The following CHMP7 variants were observed in gnomAD, a reference collection of about 807,000 sequenced individuals.
The protein encoded by CHMP7 is CHMP family, member 7.
CHMP7 carries 15 observed loss-of-function variants against 53.7 expected under a neutral mutation model. The ratio of observed to expected loss-of-function variants is 0.28; its 90% CI spans 0.19 to 0.43. The LOEUF (loss-of-function observed/expected upper bound fraction) is 0.43, where lower values mean the gene tolerates loss of function less well. Among genes scored for constraint, CHMP7 ranks in the 20% least tolerant of loss-of-function variants. The probability of loss-of-function intolerance (pLI) is 1.00; values close to 1 mark genes in which losing one functional copy is unlikely to be tolerated. For synonymous variants in CHMP7, 261 were observed against 228.0 expected, an observed-to-expected ratio of 1.14 and a Z score of -1.30; for missense variants, 527 against 569.4, an observed-to-expected ratio of 0.93 and a Z score of 0.76.
intron 8 of CHMP7, 41 bp from the exon 9 acceptor site, chr8:23,259,025 C>T: frequency 7.3e-7 from 1 of 1,368,734 alleles, no homozygotes; most frequent in Non-Finnish European, 1.0e-6. Flanking sequence ...ATGCTCAGAG[C>T]CACCATGCCC....
chr8:23,252,193 A>ACC (rs1563405572), intron 3 of CHMP7, among the ~76,000 whole-genome samples: 1 of 48,422 alleles, frequency 2.1e-5, no homozygotes, highest in African/African-American at 4.1e-5. Flanking sequence ...GTATTGTGTT[A>ACC]TCTTTTTTTT....
Position 23,255,285 on chromosome 8 carries a change from G to T in CHMP7, c.510G>T (p.Ser170=), listed in dbSNP as rs987320101. ...AGGTGTATCGTCTGTATCAGAACTC[G>T]CCCCTCTCCTCCCACCCCGTGGTGG... is the stretch of plus-strand genomic sequence containing the variant. The part of the protein sequence containing the change: ...AEEVYRLYQN[S]PLSSHPVVAL... Residue 170 remains serine, a synonymous_variant, in exon 4 of 11, where the codon TCG becomes TCT. Coordinates refer to ENST00000397677, the MANE Select transcript of CHMP7 (RefSeq NM_152272.5). 30 of 1,613,978 alleles carry T rather than the reference G, an allele frequency of 1.9e-5. No homozygotes were observed. The highest frequency in any genetic ancestry group is 2.7e-5 in the African/African-American group (2 of 74,924).
intron 3 of CHMP7, among the ~76,000 whole-genome samples, chr8:23,249,705 T>C (rs960511964): frequency 3.9e-5 from 6 of 152,216 alleles, no homozygotes; most frequent in Non-Finnish European, 5.9e-5. Flanking sequence ...TCAGGATTCC[T>C]GAGGACCTTG....
intron 6 of CHMP7, 116 bp downstream of exon 6, chr8:23,258,197 C>T: frequency 1.4e-6 from 2 of 1,444,456 alleles, no homozygotes; most frequent in Non-Finnish European, 1.9e-6. Flanking sequence ...CTGCAGGGGG[C>T]CCAGGCACCA....
chr8:23,259,239 G>T (rs1313638419), intron 9 of CHMP7, 113 bp downstream of exon 9: 2 of 554,258 alleles, frequency 3.6e-6, no homozygotes, highest in Admixed American at 3.3e-5. Flanking sequence ...CGGGATCTCG[G>T]CTCACTGCAA....
intron 3 of CHMP7, among the ~76,000 whole-genome samples, chr8:23,250,469 G>A (rs1434394375): frequency 2.0e-5 from 3 of 152,058 alleles, no homozygotes; most frequent in South Asian, 2.1e-4. Context: ...TGTCTCTTTT[G>A]TGGTACCTGG....
rs1319589989 is a variant in CHMP7, at chr8:23,246,528, G to GCGCAA, written c.-163_-159dup. On this transcript the variant is annotated 5_prime_UTR_variant, in exon 2 of 11. The change creates a new upstream start codon in the 5' untranslated region. Transcript: ENST00000397677. ...ACTGCCTCCTGGCTGACGGAGCGCA[G>GCGCAA]CGCAACGCATGCGCCTTGAAGACTT... 87 of 624,476 alleles carry GCGCAA rather than the reference G, an allele frequency of 1.4e-4. No individual in the cohort carries two copies. The highest frequency in any genetic ancestry group is 1.3e-3 in the Middle Eastern group (3 of 2,320). 38.7% of individuals were successfully genotyped at this position (624,476 alleles called of 1,614,324 possible).
chr8:23,249,578 G>A (rs1801840748), intron 3 of CHMP7, among the ~76,000 whole-genome samples, 197 bp downstream of exon 3: 1 of 152,212 alleles, frequency 6.6e-6, no homozygotes, highest in African/African-American at 2.4e-5. Context: ...CAAGGGGTTA[G>A]CCTTTGTGTC....
Position 23,260,157 on chromosome 8 carries a change from A to G in CHMP7, c.1134A>G (p.Glu378=). 6.2e-7 allele frequency: 1 copy of G among 1,613,930 alleles called. No individual in the cohort carries two copies. The highest frequency in any genetic ancestry group is 1.1e-5 in the South Asian group (1 of 91,058). ...GVTNGLDFDS[E]ELEKELDILL... is the part of the protein sequence containing the mutation. Reference sequence around the variant, plus strand: ...TTTTCTTTCCAGATTTTGACAGTGAAGAACTGGAGAAGGAATTGGACATCC... The same window carrying G: ...TTTTCTTTCCAGATTTTGACAGTGAGGAACTGGAGAAGGAATTGGACATCC... Residue 378 remains glutamate (E), a synonymous_variant, in exon 10 of 11, where the codon GAA becomes GAG. Coordinates refer to ENST00000397677, the MANE Select transcript of CHMP7 (RefSeq NM_152272.5).
chr8:23,257,591 C>G (rs1388311859), intron 5 of CHMP7, among the ~76,000 whole-genome samples: 1 of 152,222 alleles, frequency 6.6e-6, no homozygotes, highest in Non-Finnish European at 1.5e-5. Flanking sequence ...TGCCCTTCCC[C>G]CTGAATGACT....
intron 2 of CHMP7, 82 bp downstream of exon 2, chr8:23,247,076 A>G (rs766320412): frequency 6.0e-5 from 79 of 1,325,158 alleles, no homozygotes; most frequent in Non-Finnish European, 7.6e-5. Flanking sequence ...TGTTCTCTGC[A>G]CAGCGCACTG....
intron 3 of CHMP7, among the ~76,000 whole-genome samples, chr8:23,252,068 T>C (rs1801949440): frequency 1.7e-5 from 1 of 59,132 alleles, no homozygotes; most frequent in East Asian, 7.6e-4. Context: ...TACCAACTTA[T>C]TGGGAAAAAA....
chr8:23,258,569 C>G (rs1460889674), intron 7 of CHMP7, 120 bp downstream of exon 7: 1 of 1,432,674 alleles, frequency 7.0e-7, no homozygotes, highest in Non-Finnish European at 9.7e-7. Flanking sequence ...CTGGGGTTGC[C>G]TTTGCCTTTC....
Position 23,246,724 on chromosome 8 carries a change from C to A in CHMP7, c.29C>A (p.Ala10Asp). The A allele has an allele frequency of 6.5e-7, 1 of 1,549,832 alleles. No individual in the cohort carries two copies. Among genetic ancestry groups the A allele is most frequent in the Non-Finnish European group, 8.7e-7 (1 of 1,147,050 alleles). Residue 10 changes from alanine to aspartate, a missense_variant, in exon 2 of 11, where the codon GCC becomes GAC. By Grantham distance (126) the Ala-to-Asp change is moderately radical. Transcript: ENST00000397677. ...TGGTCCCCGGAGCGGGAGGCCGAGGCCCCAGCCGGGGGAGACCCGGCGGGC... is the reference window on the plus strand; with the variant it reads ...TGGTCCCCGGAGCGGGAGGCCGAGGACCCAGCCGGGGGAGACCCGGCGGGC... Reference protein sequence around the residue: MWSPEREAEAPAGGDPAGLL... With the variant: MWSPEREAEDPAGGDPAGLL...
intron 4 of CHMP7, among the ~76,000 whole-genome samples, chr8:23,256,141 T>C (rs1209994736): frequency 6.6e-6 from 1 of 152,202 alleles, no homozygotes; most frequent in Admixed American, 6.5e-5. Context: ...GGTCAAGTGC[T>C]TCCTTTAAGT....
At chr8:23,248,147 C>G (rs547086474) in intron 2 of CHMP7, 3 of 456,118 alleles carry the variant, frequency 6.6e-6, no homozygotes, top group Non-Finnish European at 1.3e-5. Flanking sequence ...CAGTGGAAAC[C>G]GTTTTCGTTC....
At chr8:23,247,933 T>C (rs1219755248) in intron 2 of CHMP7, 3 of 368,140 alleles carry the variant, frequency 8.1e-6, no homozygotes, top group Non-Finnish European at 5.4e-6. Flanking sequence ...TTTTTTTTTT[T>C]AGTTTGCTGC....
chr8:23,258,414 C>T lies in CHMP7; in HGVS notation c.925C>T (p.Leu309=). ...CAAGCTGGACACTGTTCAAGGCATC[C>T]TGGACCGGATCTATGCCTCCCAGAC... is the stretch of plus-strand genomic sequence containing the variant. The part of the protein sequence containing the change: ...HAKLDTVQGI[L]DRIYASQTDQ... The change falls in exon 7 of 11, where the codon CTG becomes TTG. Residue 309 remains leucine, a synonymous_variant. Coordinates refer to ENST00000397677, the MANE Select transcript of CHMP7 (RefSeq NM_152272.5). 1.2e-6 allele frequency: 2 copies of T among 1,614,106 alleles called. No homozygotes were observed. The highest frequency in any genetic ancestry group is 1.7e-6 in the Non-Finnish European group (2 of 1,180,018).
chr8:23,259,294 A>T (rs543695076), intron 9 of CHMP7, among the ~76,000 whole-genome samples, 168 bp downstream of exon 9: 35 of 140,720 alleles, frequency 2.5e-4, no homozygotes, highest in African/African-American at 8.8e-4. Flanking sequence ...TCAGCCTCCC[A>T]AGTAGCTGGG....
Sources: allele counts gnomAD v4.1 joint callset (sites outside exome capture counted in the v4.1 genomes callset), GRCh38; gene constraint gnomAD v4.1.1; transcripts MANE v1.5; gene names NCBI Gene and HGNC (gene_info 2026-07-23, HGNC 2026-07-21).